SYNDIG1L: variants seen among roughly 807,000 people sequenced by gnomAD.
SYNDIG1L encodes the protein synapse differentiation-inducing gene protein 1-like.
In SYNDIG1L, 13 loss-of-function variants were observed where a neutral mutation model predicts 20.1. The observed-to-expected ratio is 0.65, with a 90% CI of 0.42 to 1.03. SYNDIG1L has a LOEUF of 1.03. Among genes scored for constraint, SYNDIG1L ranks in the 50% least tolerant of loss-of-function variants. SYNDIG1L has a pLI of 0.00. For synonymous variants in SYNDIG1L, 128 were observed against 129.3 expected (o/e 0.99, Z 0.07); for missense variants, 294 against 305.1 (o/e 0.96, Z 0.27).
the SYNDIG1L span, among the ~76,000 whole-genome samples, chr14:74,477,104 C>T: frequency 2.5e-3 from 339 of 132,964 alleles, 15 homozygotes; most frequent in African/African-American, 9.6e-3. Context: ...CTGTCTCCCC[C>T]CAGCCCCATT....
the SYNDIG1L span, among the ~76,000 whole-genome samples, chr14:74,435,354 C>A: frequency 6.6e-6 from 1 of 152,192 alleles, no homozygotes; most frequent in Non-Finnish European, 1.5e-5. Context: ...GCACAGTGTA[C>A]AAAGGCTGCT....
the SYNDIG1L span, chr14:74,479,875 G>T: frequency 1.2e-6 from 1 of 835,798 alleles, no homozygotes; most frequent in Non-Finnish European, 1.6e-6. Context: ...CGGAACTGGG[G>T]GCCTGCCTTC....
chr14:74,470,725 C>T, the SYNDIG1L span, among the ~76,000 whole-genome samples: 1 of 152,212 alleles, frequency 6.6e-6, no homozygotes, highest in Non-Finnish European at 1.5e-5. Context: ...TCTCCTATCA[C>T]CACTGCTGCT....
the SYNDIG1L span, among the ~76,000 whole-genome samples, chr14:74,442,350 G>A: frequency 6.6e-6 from 1 of 152,196 alleles, no homozygotes; most frequent in Non-Finnish European, 1.5e-5. Context: ...CGAGGAACCT[G>A]ATGTTCTAAA....
At chr14:74,432,755 G>A in the SYNDIG1L span, among the ~76,000 whole-genome samples, 1 of 152,096 alleles carries the variant, frequency 6.6e-6, no homozygotes, top group Admixed American at 6.5e-5. Context: ...TCAGAAGGTT[G>A]AGGCAGGAGA....
chr14:74,456,204 A>G, the SYNDIG1L span, among the ~76,000 whole-genome samples: 1 of 152,096 alleles, frequency 6.6e-6, no homozygotes, highest in African/African-American at 2.4e-5. Context: ...TGGTTTTCTC[A>G]CATATAAAGT....
chr14:74,407,849 C>A lies in SYNDIG1L; in HGVS notation c.558G>T (p.Gly186=), dbSNP rs1289430537. ...GGACCTGGGCCCCAGGTGCTCTTAC[C>A]CCCTGGGAGAAGTAGAAGGCAGCAA... is the stretch of plus-strand genomic sequence containing the variant. ...LGIAAFYFSQ[G]TSKAISKGDF... The change falls in exon 3 of 4, where the codon GGG becomes GGT. Residue 186 remains glycine, a splice_region_variant and synonymous_variant. Coordinates refer to ENST00000331628, the MANE Select transcript of SYNDIG1L (RefSeq NM_001105579.2). 1 of 1,611,382 alleles carries A rather than the reference C, an allele frequency of 6.2e-7. No individual in the cohort carries two copies. The highest frequency in any genetic ancestry group is 1.7e-5 in the Admixed American group (1 of 59,624).
chr14:74,430,195 C>T (rs1212240424), upstream of SYNDIG1L, among the ~76,000 whole-genome samples: 1 of 152,178 alleles, frequency 6.6e-6, no homozygotes, highest in East Asian at 1.9e-4. Context: ...GCAGACTGCA[C>T]AGCTCTGAAC....
intron 1 of SYNDIG1L, among the ~76,000 whole-genome samples, chr14:74,420,739 C>A (rs1047873818): frequency 1.3e-5 from 2 of 152,080 alleles, no homozygotes; most frequent in African/African-American, 4.8e-5. Context: ...AGAATAAAAT[C>A]ATAATAAATC....
At chr14:74,472,994 C>T in the SYNDIG1L span, among the ~76,000 whole-genome samples, 1 of 152,158 alleles carries the variant, frequency 6.6e-6, no homozygotes, top group African/African-American at 2.4e-5. Flanking sequence ...ACCAAGTATG[C>T]TTACTCAGGT....
chr14:74,473,551 C>T, the SYNDIG1L span, among the ~76,000 whole-genome samples: 1 of 152,154 alleles, frequency 6.6e-6, no homozygotes, highest in African/African-American at 2.4e-5. Context: ...AGCAAATCAC[C>T]TCAGTACTCT....
chr14:74,476,388 G>T, the SYNDIG1L span: 1 of 778,898 alleles, frequency 1.3e-6, no homozygotes, highest in Non-Finnish European at 2.2e-6. Context: ...CTGCCTGCTG[G>T]CTGCTTATCT....
chr14:74,428,528 T>C (rs921352477), upstream of SYNDIG1L, among the ~76,000 whole-genome samples: 3 of 152,174 alleles, frequency 2.0e-5, no homozygotes, highest in Admixed American at 2.0e-4. Context: ...ATGCGGTCCA[T>C]AGACATGTTG....
chr14:74,453,865 C>G, the SYNDIG1L span, among the ~76,000 whole-genome samples: 54 of 152,164 alleles, frequency 3.5e-4, no homozygotes, highest in African/African-American at 1.2e-3. Flanking sequence ...ACTTGGGAGG[C>G]TGAGGAGGAG....
the SYNDIG1L span, among the ~76,000 whole-genome samples, chr14:74,465,112 C>A: frequency 1.3e-5 from 2 of 152,316 alleles, no homozygotes; most frequent in African/African-American, 4.8e-5. Context: ...GACCCTGGCC[C>A]ACCACCCATC....
upstream of SYNDIG1L, among the ~76,000 whole-genome samples, chr14:74,428,461 C>G (rs1032194920): frequency 1.3e-5 from 2 of 152,108 alleles, no homozygotes; most frequent in African/African-American, 4.8e-5. Context: ...TGTTAGACAC[C>G]AAGAATGGAA....
chr14:74,460,850 T>C, the SYNDIG1L span, among the ~76,000 whole-genome samples: 2 of 152,214 alleles, frequency 1.3e-5, no homozygotes, highest in African/African-American at 4.8e-5. Flanking sequence ...GGTTTCACCA[T>C]GTTGGCCAGG....
At chr14:74,415,111 A>G (rs573576733) in intron 1 of SYNDIG1L, among the ~76,000 whole-genome samples, 5 of 152,300 alleles carry the variant, frequency 3.3e-5, no homozygotes, top group Non-Finnish European at 5.9e-5. Context: ...AGGGCCCCCA[A>G]TAAATACCCT....
At chr14:74,432,778 C>T in the SYNDIG1L span, among the ~76,000 whole-genome samples, 3 of 151,728 alleles carry the variant, frequency 2.0e-5, no homozygotes, top group South Asian at 2.1e-4. Context: ...TGTTTGAACC[C>T]GGGAGGTGGA....
Sources: gnomAD v4.1 joint callset for allele counts (sites outside exome capture counted in the v4.1 genomes callset) on GRCh38, gnomAD v4.1.1 for gene constraint, MANE v1.5 for transcripts, NCBI Gene and HGNC (gene_info 2026-07-23, HGNC 2026-07-21) for gene names.